CPNE4: variants seen among roughly 807,000 people sequenced by gnomAD.
CPNE4 encodes copine-4.
A neutral mutation model predicts 67.9 loss-of-function variants in CPNE4; 25 were observed. That is an observed-to-expected ratio of 0.37 (90% CI 0.27 to 0.51). CPNE4 has a LOEUF of 0.51. Ranked by LOEUF, CPNE4 falls within the 20% of genes least tolerant of loss-of-function variation. The pLI is 0.93. For synonymous variants in CPNE4, 242 were observed against 244.9 expected (o/e 0.99, Z 0.11); for missense variants, 464 against 690.8 (o/e 0.67, Z 3.68).
intron 6 of CPNE4, 63 bp downstream of exon 6, chr3:131,685,812 C>CA: frequency 8.8e-7 from 1 of 1,137,604 alleles, no homozygotes. Flanking sequence ...AGGAGTTTCT[C>CA]AAAATAGGTC....
chr3:131,808,123 A>G (rs1419341354), intron 2 of CPNE4, among the ~76,000 whole-genome samples: 1 of 152,212 alleles, frequency 6.6e-6, no homozygotes, highest in East Asian at 1.9e-4. Context: ...TTTAAGAGGC[A>G]TGTCCACTTT....
At chr3:131,604,181 A>C (rs911276990) in intron 7 of CPNE4, among the ~76,000 whole-genome samples, 2 of 152,178 alleles carry the variant, frequency 1.3e-5, no homozygotes, top group Non-Finnish European at 2.9e-5. Context: ...TTAGAAGGCA[A>C]ACTCTAAAAT....
chr3:131,926,499 AG>A (rs2070899383), intron 1 of CPNE4, among the ~76,000 whole-genome samples: 1 of 152,182 alleles, frequency 6.6e-6, no homozygotes. Context: ...AGGAGGATAT[AG>A]GAGAATAAAA....
intron 2 of CPNE4, among the ~76,000 whole-genome samples, chr3:131,767,620 C>T (rs1461990048): frequency 6.6e-6 from 1 of 151,932 alleles, no homozygotes. Flanking sequence ...AAAAAAAGCC[C>T]CAGCCACAAT....
intron 1 of CPNE4, among the ~76,000 whole-genome samples, chr3:131,913,581 C>G (rs1030573205): frequency 6.6e-6 from 1 of 152,212 alleles, no homozygotes; most frequent in Non-Finnish European, 1.5e-5. Flanking sequence ...GTGCACTTGT[C>G]TATCAAGTTG....
At chr3:132,020,609 T>C (rs941932754) in intron 1 of CPNE4, among the ~76,000 whole-genome samples, 10 of 152,110 alleles carry the variant, frequency 6.6e-5, no homozygotes, top group Admixed American at 6.5e-4. Flanking sequence ...ACACTTTTTT[T>C]CCCTGGGGGA....
At chr3:131,819,453 A>C (rs970670940) in intron 2 of CPNE4, among the ~76,000 whole-genome samples, 1 of 150,940 alleles carries the variant, frequency 6.6e-6, no homozygotes, top group African/African-American at 2.4e-5. Flanking sequence ...TGCATTTTAC[A>C]GTAAAGGGAC....
intron 1 of CPNE4, among the ~76,000 whole-genome samples, chr3:132,026,685 T>C (rs1325430225): frequency 1.3e-5 from 2 of 152,204 alleles, no homozygotes; most frequent in Non-Finnish European, 2.9e-5. Flanking sequence ...ATGCATATTA[T>C]CTGAAATAAA....
At chr3:131,846,088 T>G (rs930961682) in intron 2 of CPNE4, among the ~76,000 whole-genome samples, 6 of 152,206 alleles carry the variant, frequency 3.9e-5, no homozygotes, top group African/African-American at 9.6e-5. Context: ...TTTTACAAGC[T>G]GAGCAATTTT....
rs76792568 is a variant in CPNE4, at chr3:131,971,571, G to T, written c.-2+62996C>A. Among the ~76,000 whole-genome samples the T allele has an allele frequency of 1.5e-3, 225 of 152,188 alleles. 2 individuals carry two copies. In the East Asian group the frequency reaches 0.039, roughly 26 times the overall value. On this transcript the variant is annotated intron_variant, in intron 1 of 15. Transcript: ENST00000429747. ...AATGCCTTCCTTTTTGCCCCAGAGG[G>T]TTATCTGAACTCATTTACAAAACTT...
chr3:131,598,754 T>G lies in CPNE4; in HGVS notation c.682-11172A>C, dbSNP rs551103404. 4.9e-4 allele frequency among the ~76,000 whole-genome samples: 74 copies of G among 152,238 alleles called. 1 individual carries two copies. In the South Asian group the frequency reaches 0.014, roughly 29 times the overall value. Reference sequence around the variant, plus strand: ...TTTCCTTTTTCCTTCTTTTGTTTTTTACCAGCTAATTCTACGATGTCCAAC... The same window carrying G: ...TTTCCTTTTTCCTTCTTTTGTTTTTGACCAGCTAATTCTACGATGTCCAAC... On this transcript the variant is annotated intron_variant, in intron 7 of 15. Coordinates refer to ENST00000429747, the MANE Select transcript of CPNE4 (RefSeq NM_130808.3).
intron 1 of CPNE4, among the ~76,000 whole-genome samples, chr3:131,999,092 T>C (rs551777943): frequency 6.6e-6 from 1 of 151,910 alleles, no homozygotes; most frequent in African/African-American, 2.4e-5. Context: ...GCAATAGTAT[T>C]TCATACACAG....
chr3:131,870,157 G>A (rs59967950), intron 2 of CPNE4, among the ~76,000 whole-genome samples: 11,473 of 152,134 alleles, frequency 0.075, 578 homozygotes, highest in East Asian at 0.17. Flanking sequence ...CCTCTTAGTG[G>A]AATCACAACA....
rs541028093 is a variant in CPNE4, at chr3:132,014,348, A to ATC, written c.-2+20217_-2+20218dup. On this transcript the variant is annotated intron_variant, in intron 1 of 15. Coordinates refer to ENST00000429747, the MANE Select transcript of CPNE4 (RefSeq NM_130808.3). ...AATGCTCCTCCCACCCCCACTCCTC[A>ATC]TCTCTCTCTCTCCAAGATCCTGTTT... 2.7e-3 allele frequency among the ~76,000 whole-genome samples: 407 copies of ATC among 150,278 alleles called. 2 individuals are homozygous for ATC. The highest frequency in any genetic ancestry group is 2.7e-3 in the Non-Finnish European group (185 of 67,472).
At chr3:131,725,104 G>A (rs370055987) in intron 2 of CPNE4, among the ~76,000 whole-genome samples, 11 of 152,286 alleles carry the variant, frequency 7.2e-5, no homozygotes, top group African/African-American at 2.6e-4. Flanking sequence ...ACTATGAAAA[G>A]CATTTATCTC....
At chr3:131,863,762 A>G (rs1192826036) in intron 2 of CPNE4, among the ~76,000 whole-genome samples, 1 of 152,186 alleles carries the variant, frequency 6.6e-6, no homozygotes. Flanking sequence ...TTGGTGTTTT[A>G]GACATGAAGT....
At chr3:131,807,349 C>G (rs1338551771) in intron 2 of CPNE4, among the ~76,000 whole-genome samples, 1 of 152,180 alleles carries the variant, frequency 6.6e-6, no homozygotes, top group Non-Finnish European at 1.5e-5. Flanking sequence ...AAAAAGGTAT[C>G]ATATCGCATA....
At chr3:131,663,012 G>A (rs544971291) in intron 7 of CPNE4, among the ~76,000 whole-genome samples, 12 of 152,246 alleles carry the variant, frequency 7.9e-5, no homozygotes, top group East Asian at 1.9e-4. Context: ...ACATGCACAC[G>A]TATGTTTATC....
chr3:131,741,606 A>G (rs190877856), intron 2 of CPNE4, among the ~76,000 whole-genome samples: 1 of 152,350 alleles, frequency 6.6e-6, no homozygotes, highest in East Asian at 1.9e-4. Context: ...TTACTGAAAC[A>G]GGGAACACAT....
Sources: gnomAD v4.1 joint callset for allele counts (sites outside exome capture counted in the v4.1 genomes callset) on GRCh38, gnomAD v4.1.1 for gene constraint, MANE v1.5 for transcripts, NCBI Gene and HGNC (gene_info 2026-07-23, HGNC 2026-07-21) for gene names.